The following NFIB variants were observed in gnomAD, a reference collection of about 807,000 sequenced individuals.
The protein encoded by NFIB is nuclear factor I B, also known as nuclear factor 1 B-type.
Under a neutral mutation model 61.5 loss-of-function variants are expected in NFIB, and 11 were observed. That is an observed-to-expected ratio of 0.18 (90% CI 0.11 to 0.30). The LOEUF (loss-of-function observed/expected upper bound fraction) is 0.30. Ranked by LOEUF, NFIB falls within the 10% of genes least tolerant of loss-of-function variation. The pLI is 1.00. For synonymous variants in NFIB, 260 were observed against 216.5 expected (o/e 1.20, Z -1.76); for missense variants, 471 against 608.9 (o/e 0.77, Z 2.38).
intron 2 of NFIB, among the ~76,000 whole-genome samples, chr9:14,272,703 A>G (rs1218039155): frequency 2.7e-5 from 4 of 150,380 alleles, no homozygotes; most frequent in Non-Finnish European, 6.0e-5. Context: ...AAAAAAAAAA[A>G]AAAAAAAAAA....
the NFIB span, among the ~76,000 whole-genome samples, chr9:14,478,279 A>ATCTT: frequency 3.6e-4 from 54 of 152,012 alleles, no homozygotes; most frequent in East Asian, 0.01. Flanking sequence ...CTTTTCCTCC[A>ATCTT]TCTTGCTTCA....
At chr9:14,436,580 C>T in the NFIB span, among the ~76,000 whole-genome samples, 250 of 152,302 alleles carry the variant, frequency 1.6e-3, 1 homozygote, top group African/African-American at 5.8e-3. Context: ...TCTTAGGATA[C>T]GCATTCAGAT....
At chr9:14,316,000 C>G (rs866686567), upstream of NFIB, among the ~76,000 whole-genome samples, 1 of 152,068 alleles carries the variant, frequency 6.6e-6, no homozygotes, top group Non-Finnish European at 1.5e-5. Flanking sequence ...CCTCTTTCCA[C>G]CGCTTCCCAG....
chr9:14,236,657 G>C (rs1166359707), intron 2 of NFIB, among the ~76,000 whole-genome samples: 2 of 151,976 alleles, frequency 1.3e-5, no homozygotes, highest in Non-Finnish European at 2.9e-5. Flanking sequence ...AGAATTTTTT[G>C]GATTCTATTT....
At chr9:14,287,107 G>T (rs560054473) in intron 2 of NFIB, among the ~76,000 whole-genome samples, 1 of 152,200 alleles carries the variant, frequency 6.6e-6, no homozygotes, top group Non-Finnish European at 1.5e-5. Flanking sequence ...TATATGATTT[G>T]TAACCTTAAA....
At chr9:14,532,074 A>T in the NFIB span, 1 of 152,296 alleles carries the variant, frequency 6.6e-6, no homozygotes, top group Non-Finnish European at 1.5e-5. Flanking sequence ...TAAGACACCT[A>T]ATCAAGAAAA....
At chr9:14,385,060 A>T (rs915074982) in intron 1 of NFIB, among the ~76,000 whole-genome samples, 43 of 152,184 alleles carry the variant, frequency 2.8e-4, no homozygotes, top group African/African-American at 8.9e-4. Context: ...CAACTTAGCT[A>T]AAGTTCTTGG....
At chr9:14,308,796 A>T (rs1344172036) in intron 1 of NFIB, among the ~76,000 whole-genome samples, 1 of 152,210 alleles carries the variant, frequency 6.6e-6, no homozygotes, top group African/African-American at 2.4e-5. Flanking sequence ...TGCCTGTTTC[A>T]TCCAAGCCCT....
chr9:14,504,893 C>T, the NFIB span, among the ~76,000 whole-genome samples: 1 of 152,146 alleles, frequency 6.6e-6, no homozygotes, highest in Non-Finnish European at 1.5e-5. Flanking sequence ...TGAAAGTGGG[C>T]ATCCTTGTTG....
At chr9:14,407,692 A>G in the NFIB span, among the ~76,000 whole-genome samples, 1 of 152,116 alleles carries the variant, frequency 6.6e-6, no homozygotes. Context: ...TTTACTTTTT[A>G]TTTTTATTTT....
chr9:14,088,113 T>G lies in NFIB; in HGVS notation c.*196A>C. The G allele has an allele frequency of 8.2e-7, 1 of 1,218,222 alleles. No homozygotes were observed. 75.5% of individuals were successfully genotyped at this position (1,218,222 alleles called of 1,614,324 possible). ...TCAGTTTCTTTCCTTTCTGCCTTTG[T>G]GTTGTTTTGTCCAGTCTTCCTCTTT... On this transcript the variant is annotated 3_prime_UTR_variant, in exon 11 of 11. Transcript: ENST00000380953.
At chr9:14,103,673 T>C (rs566338591) in intron 10 of NFIB, among the ~76,000 whole-genome samples, 21 of 152,288 alleles carry the variant, frequency 1.4e-4, no homozygotes, top group Admixed American at 1.2e-3. Context: ...AGAAAGATAG[T>C]TTTTGCTCAT....
rs2132669543 is a variant in NFIB, at chr9:14,303,541, A to G, written c.562+3448T>C. 1.3e-5 allele frequency among the ~76,000 whole-genome samples: 2 copies of G among 152,352 alleles called. 1 individual carries two copies. The highest frequency in any genetic ancestry group is 6.8e-3 in the Middle Eastern group (2 of 294). ...TTAATCTGTCCCAGTTTTTTTAGAC[A>G]AAACCTAAAAAAAGGAAGAGTTTTA... On this transcript the variant is annotated intron_variant, in intron 2 of 10. Coordinates refer to ENST00000380953, the MANE Select transcript of NFIB (RefSeq NM_001190737.2).
chr9:14,493,047 T>C, the NFIB span, among the ~76,000 whole-genome samples: 5 of 152,192 alleles, frequency 3.3e-5, no homozygotes, highest in African/African-American at 4.8e-5. Context: ...ATGGTAGCAG[T>C]GATTACTATT....
chr9:14,497,183 G>T, the NFIB span, among the ~76,000 whole-genome samples: 2 of 152,302 alleles, frequency 1.3e-5, no homozygotes, highest in East Asian at 3.9e-4. Context: ...TATCTTGTAA[G>T]AAGGCATCAA....
chr9:14,147,263 G>T (rs1178799231), intron 5 of NFIB, among the ~76,000 whole-genome samples: 1 of 152,098 alleles, frequency 6.6e-6, no homozygotes, highest in Non-Finnish European at 1.5e-5. Flanking sequence ...GACAGTCCTA[G>T]TATAAAATCT....
upstream of NFIB, among the ~76,000 whole-genome samples, chr9:14,399,549 G>A (rs1352344945): frequency 1.3e-5 from 2 of 151,956 alleles, no homozygotes; most frequent in Non-Finnish European, 2.9e-5. Context: ...CCTACCCTTT[G>A]GTTTTTAATT....
At chr9:14,446,394 T>A in the NFIB span, among the ~76,000 whole-genome samples, 1 of 152,216 alleles carries the variant, frequency 6.6e-6, no homozygotes, top group South Asian at 2.1e-4. Flanking sequence ...CGTGTTCTCA[T>A]TACACCCCAC....
At chr9:14,222,639 C>A (rs373849914) in intron 2 of NFIB, among the ~76,000 whole-genome samples, 1 of 151,390 alleles carries the variant, frequency 6.6e-6, no homozygotes, top group South Asian at 2.1e-4. Context: ...CCCATTGCTA[C>A]AAAAAATTAG....
Sources: allele counts gnomAD v4.1 joint callset (sites outside exome capture counted in the v4.1 genomes callset), GRCh38; gene constraint gnomAD v4.1.1; transcripts MANE v1.5; gene names NCBI Gene and HGNC (gene_info 2026-07-23, HGNC 2026-07-21).